ZNF540: variants seen among roughly 807,000 people sequenced by gnomAD.
ZNF540 encodes zinc finger protein 540, also known as CTD-3064H18.6.
Under a neutral mutation model 11.8 loss-of-function variants are expected in ZNF540, and 3 were observed. The observed-to-expected ratio is 0.25, with a 90% CI of 0.12 to 0.65. The LOEUF (loss-of-function observed/expected upper bound fraction) is 0.65, where lower values mean the gene tolerates loss of function less well. ZNF540 is among the 30% of genes least tolerant of loss of function. The pLI, the probability that ZNF540 is intolerant of heterozygous loss-of-function variation, is 0.83. For synonymous variants in ZNF540, 247 were observed against 259.0 expected, an observed-to-expected ratio of 0.95 and a Z score of 0.45; for missense variants, 709 against 793.1, an observed-to-expected ratio of 0.89 and a Z score of 1.27.
At chr19:37,591,889 C>T (rs1464774032), upstream of ZNF540, among the ~76,000 whole-genome samples, 1 of 152,010 alleles carries the variant, frequency 6.6e-6, no homozygotes, top group African/African-American at 2.4e-5. Flanking sequence ...AAAAAAAGTT[C>T]TTATATATAG....
intron 1 of ZNF540, among the ~76,000 whole-genome samples, chr19:37,561,166 A>C (rs2042713836): frequency 6.6e-6 from 1 of 151,878 alleles, no homozygotes; most frequent in Non-Finnish European, 1.5e-5. Flanking sequence ...ACTTGAGCCC[A>C]GGAGTTTGAT....
At chr19:37,561,361 A>G (rs939401432) in intron 1 of ZNF540, among the ~76,000 whole-genome samples, 2 of 152,232 alleles carry the variant, frequency 1.3e-5, no homozygotes, top group Non-Finnish European at 1.5e-5. Context: ...GAAAAGCACT[A>G]TATCATCCAT....
upstream of ZNF540, among the ~76,000 whole-genome samples, chr19:37,592,313 G>GCTTCT (rs1478083459): frequency 6.6e-6 from 1 of 152,118 alleles, no homozygotes; most frequent in African/African-American, 2.4e-5. Context: ...TTAGGTCAGT[G>GCTTCT]CTTCTCAATC....
chr19:37,557,204 C>T (rs2042669044), intron 1 of ZNF540, among the ~76,000 whole-genome samples: 1 of 152,194 alleles, frequency 6.6e-6, no homozygotes, highest in Non-Finnish European at 1.5e-5. Context: ...TCTCTCCTGG[C>T]AAGTTTCTTC....
intron 1 of ZNF540, among the ~76,000 whole-genome samples, chr19:37,577,792 G>A (rs2043294660): frequency 6.6e-6 from 1 of 152,218 alleles, no homozygotes; most frequent in Non-Finnish European, 1.5e-5. Flanking sequence ...CTGACTAGAA[G>A]CAGCTAGTGT....
intron 1 of ZNF540, among the ~76,000 whole-genome samples, chr19:37,581,472 T>C (rs1348850831): frequency 1.3e-5 from 2 of 151,174 alleles, no homozygotes; most frequent in African/African-American, 2.4e-5. Flanking sequence ...CTTTCTTTTT[T>C]TTTTTTTTTT....
intron 1 of ZNF540, among the ~76,000 whole-genome samples, chr19:37,577,225 T>C (rs972854337): frequency 1.3e-5 from 2 of 152,112 alleles, no homozygotes; most frequent in African/African-American, 4.8e-5. Context: ...AATATTTCAA[T>C]ATATCCAAAT....
At position 37,573,858 on chromosome 19, in the gene ZNF540, AAAAAG is replaced by A. The variant is rs149831026; in HGVS notation, c.-73+22198_-73+22202del. On this transcript the variant is annotated intron_variant, in intron 1 of 4. Coordinates refer to the ZNF540 transcript ENST00000592533. ...AAAAAAAAAAAAAGAAAGAAAAAGA[AAAAAG>A]AAAATAACAAAACTGCTTAGCTGCT... Among the ~76,000 whole-genome samples the A allele has an allele frequency of 6.3e-3, 961 of 152,150 alleles. 32 individuals carry two copies. Among genetic ancestry groups the A allele is most frequent in the East Asian group, 0.05 (259 of 5,176 alleles).
chr19:37,577,565 A>G (rs1262666071), intron 1 of ZNF540, among the ~76,000 whole-genome samples: 1 of 152,206 alleles, frequency 6.6e-6, no homozygotes, highest in Non-Finnish European at 1.5e-5. Flanking sequence ...ATTAACAACA[A>G]TTTTACAAAG....
At chr19:37,609,507 T>C (rs972914301) in intron 4 of ZNF540, among the ~76,000 whole-genome samples, 1 of 151,554 alleles carries the variant, frequency 6.6e-6, no homozygotes, top group Non-Finnish European at 1.5e-5. Flanking sequence ...ATGGTGCCAC[T>C]GTACTCCAGC....
At chr19:37,567,013 T>C (rs2042884483) in intron 1 of ZNF540, among the ~76,000 whole-genome samples, 1 of 152,164 alleles carries the variant, frequency 6.6e-6, no homozygotes, top group Non-Finnish European at 1.5e-5. Flanking sequence ...AATGGCCTCC[T>C]TGGTGTTAAA....
chr19:37,574,014 C>T (rs1568348589), intron 1 of ZNF540, among the ~76,000 whole-genome samples: 2 of 152,172 alleles, frequency 1.3e-5, no homozygotes, highest in Non-Finnish European at 1.5e-5. Flanking sequence ...CCACATTTAG[C>T]ATTTCTTCAC....
At chr19:37,577,082 T>G (rs2043267402) in intron 1 of ZNF540, among the ~76,000 whole-genome samples, 1 of 152,128 alleles carries the variant, frequency 6.6e-6, no homozygotes, top group South Asian at 2.1e-4. Flanking sequence ...TATTTTCTAA[T>G]TAAAGAACAT....
intron 1 of ZNF540, among the ~76,000 whole-genome samples, chr19:37,557,685 A>G (rs1306863767): frequency 6.6e-6 from 1 of 152,186 alleles, no homozygotes; most frequent in Non-Finnish European, 1.5e-5. Context: ...AGTCATGGAT[A>G]GTAGCTGGAT....
At chr19:37,580,250 C>T (rs1451819347) in intron 1 of ZNF540, among the ~76,000 whole-genome samples, 2 of 152,218 alleles carry the variant, frequency 1.3e-5, no homozygotes, top group Non-Finnish European at 2.9e-5. Context: ...TGTTCTAACT[C>T]ATCAGCAGAC....
chr19:37,611,851 G>C lies in ZNF540; in HGVS notation c.571G>C (p.Glu191Gln). 2 of 1,613,968 alleles carry C rather than the reference G, an allele frequency of 1.2e-6. No homozygotes were observed. Among genetic ancestry groups the C allele is most frequent in the Non-Finnish European group, 1.7e-6 (2 of 1,179,960 alleles). The change falls in exon 5 of 5, where the codon GAA (glutamate) becomes CAA (glutamine). Residue 191 changes from glutamate (E) to glutamine (Q), a missense_variant. By Grantham distance (29) the Glu-to-Gln change is conservative (BLOSUM62 2). Coordinates refer to ENST00000316433, the MANE Select transcript of ZNF540 (RefSeq NM_001172225.3). Reference sequence around the variant, plus strand: ...TTCTGATGTGAAACATGATTGTAAAGAATGTGGGAGTACTTTTAATAATGT... The same window carrying C: ...TTCTGATGTGAAACATGATTGTAAACAATGTGGGAGTACTTTTAATAATGT... Reference protein sequence around the residue: ...IDSDVKHDCKECGSTFNNVYQ... With the variant: ...IDSDVKHDCKQCGSTFNNVYQ...
chr19:37,558,731 C>T lies in ZNF540; in HGVS notation c.-73+7066C>T, dbSNP rs537894038. ...TGTTATCTTCTTAACACAGTAAGAA[C>T]TTCATGTTGTTTGGGATCAGCTTTC... On this transcript the variant is annotated intron_variant, in intron 1 of 4. Coordinates refer to the ZNF540 transcript ENST00000592533. Among the ~76,000 whole-genome samples the T allele has an allele frequency of 9.9e-5, 15 of 152,216 alleles. No individual in the cohort carries two copies. In the South Asian group the frequency reaches 2.9e-3, roughly 29 times the overall value.
intron 4 of ZNF540, among the ~76,000 whole-genome samples, chr19:37,608,707 G>A (rs542502055): frequency 6.6e-6 from 1 of 152,206 alleles, no homozygotes; most frequent in Admixed American, 6.5e-5. Flanking sequence ...CGGTGCACCT[G>A]TGCCACCTGA....
In ZNF540 at chr19:37,611,690, GA is replaced by G. The variant is rs1261130397; in HGVS notation, c.411del (p.Arg137SerfsTer24). 6 of 1,613,732 alleles carry G rather than the reference GA, an allele frequency of 3.7e-6. No homozygotes were observed. The Admixed American group carries it at 5.0e-5, about 13-fold the overall frequency. On this transcript the variant is annotated frameshift_variant, in exon 5 of 5. Coordinates refer to ENST00000316433, the MANE Select transcript of ZNF540 (RefSeq NM_001172225.3). LOFTEE classifies it low-confidence loss of function (END_TRUNC). ...EFEGQQGLKE[R>X]SISQKKIVSK... is the part of the protein sequence containing the mutation. ...GAGGGTCAACAGGGACTTAAAGAAA[GA>G]TCTATCAGTCAAAAGAAAATCGTCT...
Sources: allele counts gnomAD v4.1 joint callset (sites outside exome capture counted in the v4.1 genomes callset), GRCh38; gene constraint gnomAD v4.1.1; transcripts MANE v1.5; gene names NCBI Gene and HGNC (gene_info 2026-07-23, HGNC 2026-07-21).